Variants in MDGA2 observed in about 807,000 individuals in gnomAD.
MDGA2 encodes the protein MAM domain-containing glycosylphosphatidylinositol anchor protein 2.
In MDGA2, 40 loss-of-function variants were observed where a neutral mutation model predicts 117.8. The observed-to-expected ratio is 0.34, with a 90% CI of 0.26 to 0.44. MDGA2 has a LOEUF of 0.44. MDGA2 is among the 20% of genes least tolerant of loss of function. MDGA2 has a pLI of 1.00. For missense variants in MDGA2, 1,123 were observed against 1,250.6 expected, an observed-to-expected ratio of 0.90 and a Z score of 1.54; for synonymous variants, 452 against 439.0, an observed-to-expected ratio of 1.03 and a Z score of -0.37.
intron 1 of MDGA2, among the ~76,000 whole-genome samples, chr14:47,470,265 GCC>G (rs66485872): frequency 8.0e-6 from 1 of 124,858 alleles, no homozygotes; most frequent in East Asian, 2.4e-4. Context: ...CCTTCCCCCA[GCC>G]CCCCCACCCC....
At chr14:47,323,149 GATATATATAT>G (rs58765297) in intron 1 of MDGA2, among the ~76,000 whole-genome samples, 1,407 of 107,562 alleles carry the variant, frequency 0.013, 43 homozygotes, top group African/African-American at 0.049. Context: ...AAGAGTCATG[GATATATATAT>G]ATATATATAT....
chr14:47,171,288 C>G (rs558017513), intron 3 of MDGA2, among the ~76,000 whole-genome samples: 1 of 151,836 alleles, frequency 6.6e-6, no homozygotes, highest in East Asian at 1.9e-4. Flanking sequence ...ATTTTTTTTG[C>G]TTTAATAATA....
intron 9 of MDGA2, among the ~76,000 whole-genome samples, chr14:46,944,546 C>T (rs530539388): frequency 6.6e-6 from 1 of 151,946 alleles, no homozygotes; most frequent in Non-Finnish European, 1.5e-5. Flanking sequence ...CCCATTCTCA[C>T]TCTATTTCAG....
At chr14:46,863,623 A>C (rs1566496477) in intron 14 of MDGA2, among the ~76,000 whole-genome samples, 1 of 152,194 alleles carries the variant, frequency 6.6e-6, no homozygotes, top group Non-Finnish European at 1.5e-5. Flanking sequence ...TTGTCTATTA[A>C]TTATACTGAA....
chr14:47,437,612 G>A (rs1448399229), intron 1 of MDGA2, among the ~76,000 whole-genome samples: 8 of 152,124 alleles, frequency 5.3e-5, no homozygotes, highest in African/African-American at 1.9e-4. Context: ...GTACAGAGTA[G>A]AGTGGAGGCA....
At chr14:47,387,677 A>C (rs1891792590) in intron 1 of MDGA2, among the ~76,000 whole-genome samples, 2 of 152,220 alleles carry the variant, frequency 1.3e-5, no homozygotes, top group Non-Finnish European at 2.9e-5. Flanking sequence ...CAAATTCAGC[A>C]TGTGGGCATA....
chr14:47,450,809 G>T (rs1893226476), intron 1 of MDGA2, among the ~76,000 whole-genome samples: 1 of 152,124 alleles, frequency 6.6e-6, no homozygotes, highest in Admixed American at 6.6e-5. Context: ...TCAAGTGATT[G>T]TGATTGGAAT....
chr14:47,465,662 T>C (rs1014467047), intron 1 of MDGA2, among the ~76,000 whole-genome samples: 1 of 152,050 alleles, frequency 6.6e-6, no homozygotes, highest in Non-Finnish European at 1.5e-5. Context: ...ATGGCTATTA[T>C]TAAAAAGTCA....
At chr14:46,912,610 T>C (rs1883749284) in intron 10 of MDGA2, among the ~76,000 whole-genome samples, 1 of 152,216 alleles carries the variant, frequency 6.6e-6, no homozygotes, top group Admixed American at 6.5e-5. Flanking sequence ...TCTTTCACTC[T>C]TTTAAGTGTC....
intron 2 of MDGA2, among the ~76,000 whole-genome samples, chr14:47,247,939 C>G (rs1887303999): frequency 6.6e-6 from 1 of 151,334 alleles, no homozygotes. Context: ...ATGATGGTTT[C>G]CAGCTTCATT....
At chr14:47,002,231 T>C (rs1182140460) in intron 8 of MDGA2, among the ~76,000 whole-genome samples, 2 of 152,094 alleles carry the variant, frequency 1.3e-5, no homozygotes, top group Non-Finnish European at 2.9e-5. Flanking sequence ...GAAAATCAGA[T>C]TGAATAAAGA....
chr14:47,372,343 A>G (rs574368021), intron 1 of MDGA2, among the ~76,000 whole-genome samples: 1 of 152,052 alleles, frequency 6.6e-6, no homozygotes, highest in African/African-American at 2.4e-5. Context: ...AAATGTTAAT[A>G]TTCCTAATAT....
chr14:47,074,383 G>C (rs1237678540), intron 6 of MDGA2, among the ~76,000 whole-genome samples: 1 of 151,256 alleles, frequency 6.6e-6, no homozygotes, highest in African/African-American at 2.4e-5. Context: ...TCGGCTCACT[G>C]CAAGCTCCGA....
chr14:47,270,992 C>T (rs1352512798), intron 2 of MDGA2, among the ~76,000 whole-genome samples: 5 of 152,148 alleles, frequency 3.3e-5, no homozygotes, highest in Non-Finnish European at 1.5e-5. Context: ...AAGGAAGTCA[C>T]TCCTCCTCTT....
At chr14:47,228,194 A>G (rs891034737) in intron 2 of MDGA2, among the ~76,000 whole-genome samples, 1 of 152,156 alleles carries the variant, frequency 6.6e-6, no homozygotes, top group African/African-American at 2.4e-5. Flanking sequence ...TCTGTGATAG[A>G]CTTTAAAACA....
intron 1 of MDGA2, among the ~76,000 whole-genome samples, chr14:47,674,254 A>C (rs1898132118): frequency 1.3e-5 from 2 of 152,172 alleles, no homozygotes; most frequent in African/African-American, 4.8e-5. Context: ...GGGATAAATC[A>C]AGTGCAAAGC....
At chr14:47,073,708 G>C (rs150979819) in intron 6 of MDGA2, among the ~76,000 whole-genome samples, 1 of 152,096 alleles carries the variant, frequency 6.6e-6, no homozygotes, top group Non-Finnish European at 1.5e-5. Context: ...CTGAGAATTC[G>C]GGGATAAAAG....
chr14:47,651,576 TG>T (rs1444905693), intron 1 of MDGA2, among the ~76,000 whole-genome samples: 6 of 151,924 alleles, frequency 3.9e-5, no homozygotes, highest in African/African-American at 1.5e-4. Context: ...TGTAATCTGC[TG>T]TTTTTTTTTA....
At chr14:47,208,136 G>T in intron 3 of MDGA2, among the ~76,000 whole-genome samples, 1 of 151,946 alleles carries the variant, frequency 6.6e-6, no homozygotes, top group Non-Finnish European at 1.5e-5. Context: ...TATTTTGTAT[G>T]AATCTCATGG....
Sources: allele counts gnomAD v4.1 joint callset (sites outside exome capture counted in the v4.1 genomes callset), GRCh38; gene constraint gnomAD v4.1.1; transcripts MANE v1.5; gene names NCBI Gene and HGNC (gene_info 2026-07-23, HGNC 2026-07-21).